Variants in POU2F1 observed in about 807,000 individuals in gnomAD.
POU2F1 encodes POU class 2 homeobox 1, also known as POU domain, class 2, transcription factor 1.
Under a neutral mutation model 84.9 loss-of-function variants are expected in POU2F1, and 16 were observed. The ratio of observed to expected loss-of-function variants is 0.19; its 90% CI spans 0.13 to 0.29. The LOEUF (loss-of-function observed/expected upper bound fraction) is 0.29, where lower values mean the gene tolerates loss of function less well. POU2F1 is among the 10% of genes least tolerant of loss of function. The pLI is 1.00. For synonymous variants in POU2F1, 368 were observed against 368.3 expected, an observed-to-expected ratio of 1.00 and a Z score of 0.01; for missense variants, 738 against 942.6, an observed-to-expected ratio of 0.78 and a Z score of 2.84.
Position 167,402,070 on chromosome 1 carries a change from T to C in POU2F1, c.1555+514T>C, listed in dbSNP as rs148142111. Reference sequence around the variant, plus strand: ...TGCACTTCTCAAAAGATTTGATTATTCTTTTTGAACTCTTGATGCCTAGCT... The same window carrying C: ...TGCACTTCTCAAAAGATTTGATTATCCTTTTTGAACTCTTGATGCCTAGCT... On this transcript the variant is annotated intron_variant, in intron 13 of 15. Coordinates refer to ENST00000367866, the MANE Select transcript of POU2F1 (RefSeq NM_002697.4). Among the ~76,000 whole-genome samples, 14 of 152,380 alleles carry C rather than the reference T, an allele frequency of 9.2e-5. No individual in the cohort carries two copies. In the East Asian group the frequency reaches 1.5e-3, roughly 17 times the overall value.
At chr1:167,392,590 T>A (rs1648506207) in intron 9 of POU2F1, among the ~76,000 whole-genome samples, 1 of 152,196 alleles carries the variant, frequency 6.6e-6, no homozygotes. Flanking sequence ...CCTTTCTGCA[T>A]TTGACCCAAC....
intron 1 of POU2F1, among the ~76,000 whole-genome samples, chr1:167,302,779 T>C (rs1363997306): frequency 2.0e-5 from 3 of 152,218 alleles, no homozygotes; most frequent in African/African-American, 4.8e-5. Context: ...CCAGTTATAC[T>C]AATTATGCTA....
rs557738332 is a variant in POU2F1, at chr1:167,315,818, A to AC, written c.62-16652_62-16651insC. 3.0e-3 allele frequency among the ~76,000 whole-genome samples: 463 copies of AC among 152,024 alleles called. 5 individuals carry two copies. Among genetic ancestry groups the AC allele is most frequent in the African/African-American group, 0.01 (428 of 41,400 alleles). On this transcript the variant is annotated intron_variant, in intron 1 of 15. Transcript: ENST00000367866. ...TACCCCATCTCTTTAAAAAAAAAAA[A>AC]AACCCTGAAATTAAAAAACAAGCAA...
At chr1:167,296,903 G>T (rs746429640) in intron 1 of POU2F1, among the ~76,000 whole-genome samples, 3 of 152,158 alleles carry the variant, frequency 2.0e-5, no homozygotes, top group Non-Finnish European at 4.4e-5. Context: ...TTATAGGCTG[G>T]AAATGGTGCA....
At chr1:167,309,960 T>A (rs914460910) in intron 1 of POU2F1, among the ~76,000 whole-genome samples, 2 of 152,178 alleles carry the variant, frequency 1.3e-5, no homozygotes, top group African/African-American at 4.8e-5. Flanking sequence ...TCTGGTCTCA[T>A]TTACCTCAGC....
intron 1 of POU2F1, among the ~76,000 whole-genome samples, chr1:167,304,685 A>G (rs1364409034): frequency 6.6e-6 from 1 of 152,350 alleles, no homozygotes; most frequent in East Asian, 1.9e-4. Context: ...AAAGATATGA[A>G]TCTTATCCCC....
chr1:167,246,641 C>G (rs1650339748), intron 1 of POU2F1, among the ~76,000 whole-genome samples: 2 of 152,106 alleles, frequency 1.3e-5, no homozygotes, highest in Non-Finnish European at 2.9e-5. Flanking sequence ...CTGACAAATG[C>G]AGTAAATTGG....
chr1:167,401,595 G>A, intron 13 of POU2F1, 39 bp downstream of exon 13: 1 of 1,440,566 alleles, frequency 6.9e-7, no homozygotes, highest in Non-Finnish European at 9.5e-7. Context: ...TGAGCACATG[G>A]GAGGCCCGTT....
chr1:167,356,671 G>A (rs563628803), intron 2 of POU2F1, among the ~76,000 whole-genome samples: 1 of 152,308 alleles, frequency 6.6e-6, no homozygotes, highest in Admixed American at 6.5e-5. Flanking sequence ...AGAGACCAAG[G>A]CAAGTTTCAG....
chr1:167,267,408 A>C (rs981331242), intron 1 of POU2F1, among the ~76,000 whole-genome samples: 2 of 152,044 alleles, frequency 1.3e-5, no homozygotes, highest in Admixed American at 6.5e-5. Context: ...AAAAAACTAA[A>C]ACCGTGAGAC....
At chr1:167,410,603 C>T (rs1649892081) in intron 13 of POU2F1, among the ~76,000 whole-genome samples, 1 of 152,080 alleles carries the variant, frequency 6.6e-6, no homozygotes, top group Non-Finnish European at 1.5e-5. Flanking sequence ...GCAACCTCCA[C>T]CTCTTGGGCT....
rs564292740 is a variant in POU2F1, at chr1:167,388,714, A to G, written c.814-874A>G. Among the ~76,000 whole-genome samples the G allele has an allele frequency of 6.8e-4, 104 of 152,228 alleles. No homozygotes were observed. In the Middle Eastern group the frequency reaches 0.027, roughly 40 times the overall value. ...GACAACTATTTAAACCATTAAATAT[A>G]TTCACTCTTCTTTAAAAGTCCTCGG... On this transcript the variant is annotated intron_variant, in intron 8 of 15. Transcript: ENST00000367866.
At chr1:167,302,358 TC>T (rs1557879485) in intron 1 of POU2F1, among the ~76,000 whole-genome samples, 24 of 151,920 alleles carry the variant, frequency 1.6e-4, no homozygotes, top group Admixed American at 1.4e-3. Context: ...ACTCCCTAGT[TC>T]AAGCGATTAT....
At chr1:167,268,477 A>G (rs1482182264) in intron 1 of POU2F1, among the ~76,000 whole-genome samples, 1 of 152,152 alleles carries the variant, frequency 6.6e-6, no homozygotes, top group Non-Finnish European at 1.5e-5. Flanking sequence ...GTGGAGCACA[A>G]AAGGGGGAAA....
chr1:167,222,100 C>T (rs868152792), intron 1 of POU2F1, among the ~76,000 whole-genome samples: 24 of 152,234 alleles, frequency 1.6e-4, no homozygotes, highest in African/African-American at 5.3e-4. Context: ...GCTCCGAGGC[C>T]CCAGAAGCGC....
chr1:167,295,605 G>A (rs778223083), intron 1 of POU2F1, among the ~76,000 whole-genome samples: 2 of 152,156 alleles, frequency 1.3e-5, no homozygotes, highest in African/African-American at 2.4e-5. Flanking sequence ...TAAAATCTCA[G>A]AATTCACCAC....
chr1:167,372,259 C>G (rs1020521334), intron 5 of POU2F1, among the ~76,000 whole-genome samples: 2 of 152,038 alleles, frequency 1.3e-5, no homozygotes, highest in Non-Finnish European at 2.9e-5. Context: ...ATTGTGGATG[C>G]TCTGGATAAA....
chr1:167,274,971 A>T (rs1652620811), intron 1 of POU2F1, among the ~76,000 whole-genome samples: 1 of 151,646 alleles, frequency 6.6e-6, no homozygotes, highest in South Asian at 2.1e-4. Flanking sequence ...TGAGATTTGC[A>T]GTGAATGAAT....
chr1:167,407,205 T>C (rs1056800789), intron 13 of POU2F1, among the ~76,000 whole-genome samples: 3 of 151,854 alleles, frequency 2.0e-5, no homozygotes, highest in South Asian at 2.1e-4. Context: ...AATATTTGTA[T>C]TTTTTGTAGA....
Sources: allele counts gnomAD v4.1 joint callset (sites outside exome capture counted in the v4.1 genomes callset), GRCh38; gene constraint gnomAD v4.1.1; transcripts MANE v1.5; gene names NCBI Gene and HGNC (gene_info 2026-07-23, HGNC 2026-07-21).